Variants in IL1RAPL2 observed in about 807,000 individuals in gnomAD.
The protein encoded by IL1RAPL2 is X-linked interleukin-1 receptor accessory protein-like 2.
In IL1RAPL2, 3 loss-of-function variants were observed where a neutral mutation model predicts 44.1. That is an observed-to-expected ratio of 0.07 (90% confidence interval 0.03 to 0.18). The LOEUF (loss-of-function observed/expected upper bound fraction) is 0.18. IL1RAPL2 is among the 10% of genes least tolerant of loss of function. The probability of loss-of-function intolerance (pLI) is 1.00; values close to 1 mark genes in which losing one functional copy is unlikely to be tolerated. For missense variants in IL1RAPL2, 391 were observed against 496.4 expected, an observed-to-expected ratio of 0.79 and a Z score of 2.02; for synonymous variants, 181 against 178.8, an observed-to-expected ratio of 1.01 and a Z score of -0.10.
chrX:104,684,040 C>A (rs1019254271), intron 2 of IL1RAPL2, among the ~76,000 whole-genome samples: 1 of 111,908 alleles, frequency 8.9e-6, no homozygotes, highest in African/African-American at 3.3e-5. Context: ...TATCTCTCAT[C>A]CTTTCAAACT....
chrX:104,939,345 C>T (rs1925105975), intron 2 of IL1RAPL2, among the ~76,000 whole-genome samples: 1 of 111,724 alleles, frequency 9.0e-6, no homozygotes, highest in Non-Finnish European at 1.9e-5. Context: ...GCATGAGCCA[C>T]CACGCTGGGC....
intron 2 of IL1RAPL2, among the ~76,000 whole-genome samples, chrX:104,796,947 T>G (rs1236954698): frequency 9.0e-6 from 1 of 110,522 alleles, no homozygotes; most frequent in Non-Finnish European, 1.9e-5. Flanking sequence ...AATTTTGTAT[T>G]TTTTGTAAAG....
At chrX:104,713,304 C>T (rs975153961) in intron 2 of IL1RAPL2, among the ~76,000 whole-genome samples, 1 of 110,577 alleles carries the variant, frequency 9.0e-6, no homozygotes, top group African/African-American at 3.3e-5. Flanking sequence ...CAATATTTCT[C>T]CACTTCCTCC....
chrX:104,984,867 C>G (rs2030530562), intron 2 of IL1RAPL2, among the ~76,000 whole-genome samples: 1 of 111,156 alleles, frequency 9.0e-6, no homozygotes, highest in Non-Finnish European at 1.9e-5. Flanking sequence ...CTAAAACTGA[C>G]TGCAAAAAAT....
In IL1RAPL2 at chrX:104,727,819, G is replaced by A. The variant is rs763417688; in HGVS notation, c.82+68824G>A. On this transcript the variant is annotated intron_variant, in intron 2 of 10. Coordinates refer to ENST00000372582, the MANE Select transcript of IL1RAPL2 (RefSeq NM_017416.2). ...GGATTTTTTTTTTTTGCAGCAACAT[G>A]GATGGAACAGGAGGCCATTATCTTA... Among the ~76,000 whole-genome samples the A allele has an allele frequency of 1.5e-3, 164 of 109,108 alleles. 1 individual carries two copies. The highest frequency in any genetic ancestry group is 5.2e-3 in the African/African-American group (156 of 30,248). 94.7% of individuals were successfully genotyped at this position (109,108 alleles called of 115,157 possible). A position where few individuals can be genotyped will look rare whatever the true frequency, so the allele number is the denominator to read the frequency against.
intron 2 of IL1RAPL2, among the ~76,000 whole-genome samples, chrX:104,689,568 G>T (rs971964405): frequency 1.8e-5 from 2 of 111,849 alleles, no homozygotes; most frequent in Non-Finnish European, 3.8e-5. Flanking sequence ...ATTAGTGTCA[G>T]TTACTTGTCA....
intron 5 of IL1RAPL2, among the ~76,000 whole-genome samples, chrX:105,285,332 C>CT (rs746609127): frequency 8.1e-5 from 9 of 111,625 alleles, no homozygotes; most frequent in African/African-American, 2.9e-4. Context: ...TAGCCAATGT[C>CT]TTTTTTTGGA....
At chrX:104,620,613 C>G (rs1445200683) in intron 1 of IL1RAPL2, among the ~76,000 whole-genome samples, 2 of 76,588 alleles carry the variant, frequency 2.6e-5, no homozygotes, top group Non-Finnish European at 4.6e-5. Flanking sequence ...GCATTCCAGC[C>G]TGGGTGACAG....
intron 5 of IL1RAPL2, chrX:105,406,481 C>T (rs940967016): frequency 5.0e-6 from 6 of 1,200,931 alleles, no homozygotes; most frequent in Admixed American, 4.3e-5. Flanking sequence ...ACCAATATCC[C>T]GAAAGGAATT....
intron 2 of IL1RAPL2, among the ~76,000 whole-genome samples, chrX:105,010,748 T>C (rs2031035063): frequency 9.0e-6 from 1 of 111,631 alleles, no homozygotes; most frequent in South Asian, 3.7e-4. Context: ...AGAAATTAGC[T>C]GAAATAATGA....
chrX:104,658,168 G>A (rs5962440), intron 1 of IL1RAPL2, among the ~76,000 whole-genome samples: 18,851 of 111,583 alleles, frequency 0.17, 3,920 homozygotes, highest in African/African-American at 0.59. Flanking sequence ...ACATGCACAC[G>A]TATGTTTATC....
intron 3 of IL1RAPL2, chrX:105,220,609 C>T: frequency 2.8e-6 from 1 of 358,023 alleles, no homozygotes; most frequent in Non-Finnish European, 4.8e-6. Context: ...TCAGCCAGGG[C>T]CAGAGGAAGT....
At chrX:104,776,850 C>A (rs753519537) in intron 2 of IL1RAPL2, among the ~76,000 whole-genome samples, 37 of 111,425 alleles carry the variant, frequency 3.3e-4, no homozygotes, top group Non-Finnish European at 6.0e-4. Flanking sequence ...AATATTTATG[C>A]ATTATCATTG....
chrX:104,749,843 G>C (rs759515241), intron 2 of IL1RAPL2, among the ~76,000 whole-genome samples: 3 of 111,700 alleles, frequency 2.7e-5, no homozygotes, highest in Non-Finnish European at 5.7e-5. Context: ...GTATAAATGC[G>C]TTACTGTAAA....
chrX:105,405,982 A>C (rs1202334129), intron 5 of IL1RAPL2: 1 of 1,202,598 alleles, frequency 8.3e-7, no homozygotes, highest in African/African-American at 1.8e-5. Context: ...ACAGATTCTA[A>C]GCCTCCTGAG....
chrX:104,834,317 C>G (rs888259113), intron 2 of IL1RAPL2, among the ~76,000 whole-genome samples: 1 of 111,937 alleles, frequency 8.9e-6, no homozygotes, highest in African/African-American at 3.2e-5. Context: ...TACTCAGTCC[C>G]TTTTCTATTC....
chrX:105,414,904 A>G (rs59267847), intron 5 of IL1RAPL2, among the ~76,000 whole-genome samples: 8,598 of 112,119 alleles, frequency 0.077, 829 homozygotes, highest in African/African-American at 0.27. Flanking sequence ...ATATTAAATT[A>G]ATGTAGAATA....
At chrX:104,660,607 A>G (rs1279585687) in intron 2 of IL1RAPL2, among the ~76,000 whole-genome samples, 1 of 78,251 alleles carries the variant, frequency 1.3e-5, no homozygotes, top group Admixed American at 1.5e-4. Flanking sequence ...ACAAATATAT[A>G]TGTGTATGTA....
intron 2 of IL1RAPL2, among the ~76,000 whole-genome samples, chrX:105,016,442 C>T (rs1433924164): frequency 9.0e-6 from 1 of 111,299 alleles, no homozygotes; most frequent in Non-Finnish European, 1.9e-5. Flanking sequence ...ATGACATTGC[C>T]TGTGGGTTTG....
Sources: gnomAD v4.1 joint callset for allele counts (sites outside exome capture counted in the v4.1 genomes callset) on GRCh38, gnomAD v4.1.1 for gene constraint, MANE v1.5 for transcripts, NCBI Gene and HGNC (gene_info 2026-07-23, HGNC 2026-07-21) for gene names.